CNTNAP5: variants seen among roughly 807,000 people sequenced by gnomAD.
CNTNAP5 encodes the protein contactin-associated protein-like 5.
In CNTNAP5, 72 loss-of-function variants were observed where a neutral mutation model predicts 150.2. The ratio of observed to expected loss-of-function variants is 0.48; its 90% CI spans 0.40 to 0.58. CNTNAP5 has a LOEUF of 0.58. CNTNAP5 is among the 20% of genes least tolerant of loss of function. The pLI is 0.00. For synonymous variants in CNTNAP5, 672 were observed against 619.8 expected (o/e 1.08, Z -1.25); for missense variants, 1,636 against 1,626.2 (o/e 1.01, Z -0.10).
intron 1 of CNTNAP5, among the ~76,000 whole-genome samples, chr2:124,209,178 G>A (rs1685941283): frequency 6.6e-6 from 1 of 151,986 alleles, no homozygotes; most frequent in Admixed American, 6.6e-5. Flanking sequence ...ACACAACCAG[G>A]CTCTCCTCCA....
At chr2:124,759,841 C>T (rs1203921345) in intron 14 of CNTNAP5, among the ~76,000 whole-genome samples, 3 of 142,310 alleles carry the variant, frequency 2.1e-5, no homozygotes, top group Non-Finnish European at 4.6e-5. Context: ...CTGGGGTAGA[C>T]TGTATATTTG....
intron 21 of CNTNAP5, among the ~76,000 whole-genome samples, chr2:124,900,985 T>C (rs147012652): frequency 0.025 from 3,791 of 151,784 alleles, 85 homozygotes; most frequent in Non-Finnish European, 0.037. Context: ...TGGGACACAG[T>C]CTTTTAATGC....
chr2:124,193,782 G>A (rs971712892), intron 1 of CNTNAP5, among the ~76,000 whole-genome samples: 2 of 152,206 alleles, frequency 1.3e-5, no homozygotes, highest in Middle Eastern at 3.4e-3. Context: ...TAAATCTTCT[G>A]AATTCCAGAC....
chr2:124,076,315 AC>A (rs1190639797), intron 1 of CNTNAP5, among the ~76,000 whole-genome samples: 3 of 152,176 alleles, frequency 2.0e-5, no homozygotes, highest in African/African-American at 7.2e-5. Flanking sequence ...CCTGCTAATG[AC>A]AGAGTCTCCA....
At chr2:124,612,220 T>G (rs2104986923) in intron 12 of CNTNAP5, among the ~76,000 whole-genome samples, 1 of 152,328 alleles carries the variant, frequency 6.6e-6, no homozygotes, top group South Asian at 2.1e-4. Flanking sequence ...GCCATTGTTA[T>G]TAAATTATTA....
intron 14 of CNTNAP5, among the ~76,000 whole-genome samples, chr2:124,759,855 A>T (rs950422452): frequency 7.2e-6 from 1 of 139,534 alleles, no homozygotes; most frequent in African/African-American, 2.6e-5. Context: ...ATATTTGACC[A>T]CTCAATGCCT....
chr2:124,728,616 A>G (rs1464953238), intron 13 of CNTNAP5, among the ~76,000 whole-genome samples: 1 of 152,072 alleles, frequency 6.6e-6, no homozygotes, highest in Non-Finnish European at 1.5e-5. Context: ...TTAATGTAAT[A>G]CATATACATT....
intron 1 of CNTNAP5, chr2:124,135,311 A>C (rs2104608211): frequency 6.6e-6 from 1 of 152,392 alleles, no homozygotes; most frequent in Middle Eastern, 3.4e-3. Flanking sequence ...TCCAGAAAGC[A>C]ACATGACATT....
At chr2:124,401,447 T>G (rs1387932942) in intron 3 of CNTNAP5, among the ~76,000 whole-genome samples, 1 of 152,222 alleles carries the variant, frequency 6.6e-6, no homozygotes, top group Non-Finnish European at 1.5e-5. Flanking sequence ...CACTTATCAT[T>G]ATCATAGGGA....
At chr2:124,532,951 C>CCCGCCA (rs1235024439) in intron 10 of CNTNAP5, among the ~76,000 whole-genome samples, 1 of 152,050 alleles carries the variant, frequency 6.6e-6, no homozygotes, top group Admixed American at 6.6e-5. Flanking sequence ...GCTTAAGTGC[C>CCCGCCA]CCGCCACCCT....
intron 8 of CNTNAP5, among the ~76,000 whole-genome samples, chr2:124,507,712 T>C (rs1267655946): frequency 1.3e-5 from 2 of 152,190 alleles, no homozygotes; most frequent in Non-Finnish European, 2.9e-5. Flanking sequence ...GTTGTAGCAA[T>C]GCAGGTTTTC....
chr2:124,790,876 A>C (rs1681712295), intron 18 of CNTNAP5, among the ~76,000 whole-genome samples: 1 of 152,230 alleles, frequency 6.6e-6, no homozygotes, highest in Non-Finnish European at 1.5e-5. Context: ...GAAACTAGAA[A>C]ATCTCAATAT....
rs532471676 is a variant in CNTNAP5 at position 124,548,642 on chromosome 2, A to T, written c.1650-14575A>T. ...CACGAACTGGAAAAAAAAACAAAAC[A>T]GTTAAAAAAAGGAAAGAGTGCAGGA... On this transcript the variant is annotated intron_variant, in intron 10 of 23. Coordinates refer to ENST00000682447, the MANE Select transcript of CNTNAP5 (RefSeq NM_001367498.1). Among the ~76,000 whole-genome samples the T allele has an allele frequency of 3.9e-5, 6 of 152,296 alleles. No homozygotes were observed. In the East Asian group the frequency reaches 7.7e-4, roughly 20 times the overall value.
chr2:124,441,993 T>C (rs1041894817), intron 5 of CNTNAP5, among the ~76,000 whole-genome samples: 1 of 152,156 alleles, frequency 6.6e-6, no homozygotes, highest in East Asian at 1.9e-4. Flanking sequence ...CATAAAATGA[T>C]AAGTGTGTTA....
In CNTNAP5 at chr2:124,400,681, T is replaced by TTTG. The variant is rs1558884176; in HGVS notation, c.382-16760_382-16759insGTT. 7.0e-5 allele frequency among the ~76,000 whole-genome samples: 7 copies of TTTG among 99,586 alleles called. No individual in the cohort carries two copies. In the East Asian group the frequency reaches 1.2e-3, roughly 17 times the overall value. 65.3% of individuals were successfully genotyped at this position (99,586 alleles called of 152,430 possible). ...GGATAAAGGCATTGTTTTTTTTTTTTTTTTTTTGTTTTTTTTCTTTAGTGG... is the reference window on the plus strand; with the variant it reads ...GGATAAAGGCATTGTTTTTTTTTTTTTTGTTTTTTTGTTTTTTTTCTTTAGTGG... On this transcript the variant is annotated intron_variant, in intron 3 of 23. Transcript: ENST00000682447.
intron 3 of CNTNAP5, among the ~76,000 whole-genome samples, chr2:124,410,718 G>T (rs373667044): frequency 6.6e-6 from 1 of 151,620 alleles, no homozygotes; most frequent in Non-Finnish European, 1.5e-5. Context: ...TCTCTGGGAC[G>T]CATTCAGAGC....
chr2:124,582,655 G>A (rs1410186452), intron 11 of CNTNAP5, among the ~76,000 whole-genome samples: 4 of 152,054 alleles, frequency 2.6e-5, no homozygotes, highest in Non-Finnish European at 5.9e-5. Flanking sequence ...GGCAGACCAA[G>A]TTTCAAAGGG....
chr2:124,217,283 C>T (rs1304516366), intron 1 of CNTNAP5, among the ~76,000 whole-genome samples: 2 of 152,110 alleles, frequency 1.3e-5, no homozygotes, highest in Non-Finnish European at 2.9e-5. Context: ...TTCACCCCTT[C>T]TTCTTTTCTA....
chr2:124,629,119 T>C (rs1677792760), intron 12 of CNTNAP5, among the ~76,000 whole-genome samples: 1 of 152,166 alleles, frequency 6.6e-6, no homozygotes, highest in African/African-American at 2.4e-5. Context: ...TGGGAGACTT[T>C]AAAACCCTAC....
Sources: gnomAD v4.1 joint callset for allele counts (sites outside exome capture counted in the v4.1 genomes callset) on GRCh38, gnomAD v4.1.1 for gene constraint, MANE v1.5 for transcripts, NCBI Gene and HGNC (gene_info 2026-07-23, HGNC 2026-07-21) for gene names.